Variants in SLC24A4 observed in about 807,000 individuals in gnomAD.
The protein encoded by SLC24A4 is solute carrier family 24 member 4, also known as sodium/potassium/calcium exchanger 4.
Under a neutral mutation model 79.0 loss-of-function variants are expected in SLC24A4, and 53 were observed. That is an observed-to-expected ratio of 0.67 (90% confidence interval 0.54 to 0.84). The LOEUF (loss-of-function observed/expected upper bound fraction) is 0.84. Among genes scored for constraint, SLC24A4 ranks in the 40% least tolerant of loss-of-function variants. The pLI is 0.00. For synonymous variants in SLC24A4, 323 were observed against 323.8 expected, an observed-to-expected ratio of 1.00 and a Z score of 0.03; for missense variants, 731 against 822.0, an observed-to-expected ratio of 0.89 and a Z score of 1.35.
intron 2 of SLC24A4, among the ~76,000 whole-genome samples, chr14:92,352,507 C>T (rs1886952078): frequency 6.6e-6 from 1 of 152,198 alleles, no homozygotes. Flanking sequence ...TGGATATGAG[C>T]TTCGATAGTG....
At chr14:92,458,759 C>G (rs958328942) in intron 12 of SLC24A4, among the ~76,000 whole-genome samples, 1 of 152,224 alleles carries the variant, frequency 6.6e-6, no homozygotes, top group Non-Finnish European at 1.5e-5. Flanking sequence ...ACCCCCAGCT[C>G]ACTTTCCCTC....
chr14:92,456,135 C>T lies in SLC24A4; in HGVS notation c.1051-269C>T, dbSNP rs140414743. Among the ~76,000 whole-genome samples the T allele has an allele frequency of 8.4e-3, 1,274 of 152,344 alleles. 7 individuals are homozygous for T. Among genetic ancestry groups the T allele is most frequent in the Non-Finnish European group, 0.015 (1,027 of 68,034 alleles). On this transcript the variant is annotated intron_variant, in intron 11 of 16. Coordinates refer to ENST00000532405, the MANE Select transcript of SLC24A4 (RefSeq NM_153646.4). ...CCCGAATGATGGCTGTCACCAGGGCCGTGGGCTGGGTTGTCGAGCTGGCAG... is the reference window on the plus strand; with the variant it reads ...CCCGAATGATGGCTGTCACCAGGGCTGTGGGCTGGGTTGTCGAGCTGGCAG...
chr14:92,325,945 G>A lies in SLC24A4; in HGVS notation c.208G>A (p.Gly70Arg). 3.1e-6 allele frequency: 5 copies of A among 1,612,632 alleles called. No homozygotes were observed. The highest frequency in any genetic ancestry group is 3.4e-6 in the Non-Finnish European group (4 of 1,179,206). Residue 70 changes from glycine to arginine, a missense_variant, in exon 2 of 17, where the codon GGG becomes AGG. Gly to Arg is a moderately radical substitution (Grantham distance 125). Transcript: ENST00000532405. ...RNRKLMAPVN[G>R]TQTAKNCTDP... Reference sequence around the variant, plus strand: ...TAGAAAGTTGATGGCCCCAGTGAATGGGACACAGACAGCCAAGAACTGCAC... The same window carrying A: ...TAGAAAGTTGATGGCCCCAGTGAATAGGACACAGACAGCCAAGAACTGCAC...
intron 2 of SLC24A4, among the ~76,000 whole-genome samples, chr14:92,361,822 G>A (rs1051382533): frequency 1.3e-5 from 2 of 152,058 alleles, no homozygotes; most frequent in Non-Finnish European, 2.9e-5. Flanking sequence ...TTGATTTTGA[G>A]GTCTCCATGA....
rs1456258658 is a variant in SLC24A4, at chr14:92,343,621, T to C, written c.241+17643T>C. On this transcript the variant is annotated intron_variant, in intron 2 of 16. Transcript: ENST00000532405. Reference sequence around the variant, plus strand: ...CTTTCTTTCTTTCTTTCTTTCTTTCTTTCTTTCTTTCTTTCTTTCTCTCTT... The same window carrying C: ...CTTTCTTTCTTTCTTTCTTTCTTTCCTTCTTTCTTTCTTTCTTTCTCTCTT... Among the ~76,000 whole-genome samples, 27 of 146,808 alleles carry C rather than the reference T, an allele frequency of 1.8e-4. 1 individual carries two copies. Among genetic ancestry groups the C allele is most frequent in the Non-Finnish European group, 3.4e-4 (23 of 66,686 alleles).
chr14:92,467,600 C>G (rs6575256), intron 12 of SLC24A4, among the ~76,000 whole-genome samples: 69,591 of 152,188 alleles, frequency 0.46, 17,426 homozygotes, highest in East Asian at 0.66. Context: ...CCAAGGGACA[C>G]TGTCGACCAA....
At chr14:92,428,310 T>TACTTCACATGCAGAACCC (rs1375467477) in intron 2 of SLC24A4, among the ~76,000 whole-genome samples, 3 of 152,192 alleles carry the variant, frequency 2.0e-5, no homozygotes, top group Non-Finnish European at 4.4e-5. Context: ...TGGCAGAACC[T>TACTTCACATGCAGAACCC]ACTTCACATG....
At chr14:92,348,112 C>T (rs912225232) in intron 2 of SLC24A4, among the ~76,000 whole-genome samples, 2 of 152,134 alleles carry the variant, frequency 1.3e-5, no homozygotes, top group African/African-American at 4.8e-5. Context: ...AGAAGAAGGA[C>T]GTTCTCAGGA....
intron 12 of SLC24A4, among the ~76,000 whole-genome samples, chr14:92,474,829 A>ATGTGTGTGTG (rs1327061695): frequency 2.3e-5 from 2 of 87,560 alleles, no homozygotes; most frequent in East Asian, 3.0e-4. Context: ...ATACATATAT[A>ATGTGTGTGTG]TGTGTGTGTG....
chr14:92,429,903 C>A (rs959974749), intron 2 of SLC24A4, among the ~76,000 whole-genome samples: 1 of 152,214 alleles, frequency 6.6e-6, no homozygotes, highest in African/African-American at 2.4e-5. Flanking sequence ...TCTCCTGGGG[C>A]TGGCTGCATG....
intron 2 of SLC24A4, among the ~76,000 whole-genome samples, chr14:92,372,058 G>A (rs1888199831): frequency 6.6e-6 from 1 of 152,210 alleles, no homozygotes; most frequent in Admixed American, 6.5e-5. Context: ...TGGGATAGAG[G>A]GAAACACAGG....
rs540391515 is a variant in SLC24A4, at chr14:92,448,779, G to A, written c.738-295G>A. ...AGGCGAGGCCGAGCTTCCTTTATTAGGACAGGCTCCAGTAAGTAGGCCTCA... is the reference window on the plus strand; with the variant it reads ...AGGCGAGGCCGAGCTTCCTTTATTAAGACAGGCTCCAGTAAGTAGGCCTCA... On this transcript the variant is annotated intron_variant, in intron 9 of 16. Transcript: ENST00000532405. 2.4e-4 allele frequency among the ~76,000 whole-genome samples: 37 copies of A among 152,284 alleles called. No individual in the cohort carries two copies. In the South Asian group the frequency reaches 2.9e-3, roughly 12 times the overall value.
rs1022249899 is a variant in SLC24A4 at position 92,330,650 on chromosome 14, G to A, written c.241+4672G>A. Among the ~76,000 whole-genome samples, 15 of 152,184 alleles carry A rather than the reference G, an allele frequency of 9.9e-5. No individual in the cohort carries two copies. The South Asian group carries it at 1.0e-3, about 11-fold the overall frequency. On this transcript the variant is annotated intron_variant, in intron 2 of 16. Coordinates refer to ENST00000532405, the MANE Select transcript of SLC24A4 (RefSeq NM_153646.4). Reference sequence around the variant, plus strand: ...TTTCTTTCTCATGGTTGTGGAGGCTGGCAAATCCAAGATCAAGGTGACTGG... The same window carrying A: ...TTTCTTTCTCATGGTTGTGGAGGCTAGCAAATCCAAGATCAAGGTGACTGG...
intron 1 of SLC24A4, among the ~76,000 whole-genome samples, 188 bp from the exon 2 acceptor site, chr14:92,325,680 A>G (rs753919286): frequency 2.6e-5 from 4 of 152,188 alleles, no homozygotes; most frequent in African/African-American, 9.7e-5. Flanking sequence ...AGTGAACTAG[A>G]TCCAGGAAAC....
intron 2 of SLC24A4, among the ~76,000 whole-genome samples, chr14:92,333,225 C>T (rs1185035673): frequency 1.3e-5 from 2 of 152,100 alleles, no homozygotes; most frequent in East Asian, 3.9e-4. Flanking sequence ...TCCCAAGTAG[C>T]TGGGATTACA....
At chr14:92,394,540 C>T (rs1889662969) in intron 2 of SLC24A4, among the ~76,000 whole-genome samples, 3 of 152,186 alleles carry the variant, frequency 2.0e-5, no homozygotes, top group African/African-American at 7.2e-5. Flanking sequence ...ATAGCCTGGA[C>T]AACAGAGTGA....
intron 2 of SLC24A4, among the ~76,000 whole-genome samples, chr14:92,383,948 A>G (rs10873422): frequency 0.32 from 48,141 of 152,176 alleles, 9,224 homozygotes; most frequent in East Asian, 0.7. Context: ...GCATGCTTTC[A>G]GCGGAGCAGA....
intron 4 of SLC24A4, 63 bp downstream of exon 4, chr14:92,439,472 A>C (rs1892371070): frequency 2.0e-6 from 3 of 1,474,442 alleles, no homozygotes; most frequent in South Asian, 1.1e-5. Flanking sequence ...CATAAATGCC[A>C]AGCCAAGAAG....
chr14:92,420,887 T>C (rs1426559192), intron 2 of SLC24A4, among the ~76,000 whole-genome samples: 1 of 152,110 alleles, frequency 6.6e-6, no homozygotes, highest in Non-Finnish European at 1.5e-5. Flanking sequence ...CTGGGTCAGG[T>C]GATACTGTGG....
Sources: allele counts gnomAD v4.1 joint callset (sites outside exome capture counted in the v4.1 genomes callset), GRCh38; gene constraint gnomAD v4.1.1; transcripts MANE v1.5; gene names NCBI Gene and HGNC (gene_info 2026-07-23, HGNC 2026-07-21).